ADGRB3: variants seen among roughly 807,000 people sequenced by gnomAD.
The protein encoded by ADGRB3 is brain-specific angiogenesis inhibitor 3.
A neutral mutation model predicts 193.4 loss-of-function variants in ADGRB3; 37 were observed. The ratio of observed to expected loss-of-function variants is 0.19; its 90% CI spans 0.15 to 0.25. The LOEUF (loss-of-function observed/expected upper bound fraction) is 0.25, where lower values mean the gene tolerates loss of function less well. ADGRB3 is among the 10% of genes least tolerant of loss of function. ADGRB3 has a pLI of 1.00. For missense variants in ADGRB3, 1,637 were observed against 1,852.9 expected, an observed-to-expected ratio of 0.88 and a Z score of 2.14; for synonymous variants, 690 against 644.2, an observed-to-expected ratio of 1.07 and a Z score of -1.08.
At chr6:69,302,413 GT>G (rs1767966172) in intron 20 of ADGRB3, among the ~76,000 whole-genome samples, 1 of 151,820 alleles carries the variant, frequency 6.6e-6, no homozygotes, top group African/African-American at 2.4e-5. Context: ...TTGGTGTTTT[GT>G]CCCCGAAGTC....
intron 20 of ADGRB3, among the ~76,000 whole-genome samples, chr6:69,275,799 ATACT>A (rs1338102094): frequency 2.0e-5 from 3 of 152,166 alleles, no homozygotes; most frequent in Non-Finnish European, 4.4e-5. Flanking sequence ...GTATGTGAAA[ATACT>A]TACTTATGAT....
chr6:68,692,790 T>G (rs904443746), intron 3 of ADGRB3, among the ~76,000 whole-genome samples: 4 of 151,290 alleles, frequency 2.6e-5, no homozygotes, highest in African/African-American at 9.7e-5. Flanking sequence ...TAATATCTTT[T>G]ATTTGGTTTT....
intron 3 of ADGRB3, among the ~76,000 whole-genome samples, chr6:68,654,442 T>C (rs1355547255): frequency 6.6e-6 from 1 of 151,996 alleles, no homozygotes; most frequent in Non-Finnish European, 1.5e-5. Context: ...ATAGTACACA[T>C]AGGCCATTGA....
chr6:68,763,253 G>A (rs1382358721), intron 3 of ADGRB3, among the ~76,000 whole-genome samples: 1 of 152,046 alleles, frequency 6.6e-6, no homozygotes, highest in Non-Finnish European at 1.5e-5. Context: ...ATAATGCCTA[G>A]CTAATTTTTA....
intron 3 of ADGRB3, among the ~76,000 whole-genome samples, chr6:68,641,143 T>C (rs966891254): frequency 6.6e-6 from 1 of 152,236 alleles, no homozygotes; most frequent in African/African-American, 2.4e-5. Flanking sequence ...GTTTTACTGT[T>C]GTTTTAATAC....
At chr6:69,311,321 GC>G (rs1768187100) in intron 20 of ADGRB3, among the ~76,000 whole-genome samples, 1 of 151,718 alleles carries the variant, frequency 6.6e-6, no homozygotes, top group African/African-American at 2.4e-5. Context: ...CAGAAAAACA[GC>G]AAAACCAGTA....
At chr6:68,934,072 T>G (rs962614199) in intron 4 of ADGRB3, among the ~76,000 whole-genome samples, 1 of 152,204 alleles carries the variant, frequency 6.6e-6, no homozygotes, top group Admixed American at 6.6e-5. Flanking sequence ...TCTTCATACT[T>G]TTATAAATAA....
intron 3 of ADGRB3, among the ~76,000 whole-genome samples, chr6:68,755,569 G>C (rs1252296032): frequency 6.6e-6 from 1 of 152,190 alleles, no homozygotes; most frequent in East Asian, 1.9e-4. Flanking sequence ...AAGGTCAGTT[G>C]AGAATAGTCA....
At chr6:68,947,060 T>C (rs539822597) in intron 6 of ADGRB3, among the ~76,000 whole-genome samples, 1 of 152,186 alleles carries the variant, frequency 6.6e-6, no homozygotes, top group South Asian at 2.1e-4. Flanking sequence ...TGTGAGTTGT[T>C]AGTTACTAAT....
intron 17 of ADGRB3, among the ~76,000 whole-genome samples, chr6:69,214,305 A>G (rs139137334): frequency 2.1e-4 from 32 of 152,232 alleles, no homozygotes; most frequent in African/African-American, 7.5e-4. Flanking sequence ...GTAATACATG[A>G]CTATATGAGG....
chr6:69,001,120 A>G (rs992218518), intron 11 of ADGRB3, among the ~76,000 whole-genome samples: 5 of 152,238 alleles, frequency 3.3e-5, no homozygotes, highest in African/African-American at 1.2e-4. Context: ...AATTTTCGAA[A>G]GAGGTCTGAA....
chr6:68,879,949 A>T (rs1765690402), intron 3 of ADGRB3, among the ~76,000 whole-genome samples: 1 of 152,238 alleles, frequency 6.6e-6, no homozygotes, highest in African/African-American at 2.4e-5. Context: ...CTAGCACTTT[A>T]ACCCAGACCA....
At chr6:69,163,318 A>G (rs990976670) in intron 17 of ADGRB3, among the ~76,000 whole-genome samples, 2 of 152,126 alleles carry the variant, frequency 1.3e-5, no homozygotes, top group Admixed American at 6.5e-5. Flanking sequence ...ATCCAAAAGT[A>G]TATAAAATAT....
chr6:68,956,541 G>A (rs1330228926), intron 7 of ADGRB3, 104 bp from the exon 8 acceptor site: 1 of 1,365,208 alleles, frequency 7.3e-7, no homozygotes, highest in Non-Finnish European at 1.0e-6. Flanking sequence ...ATTCACAGTA[G>A]TAGATTAACA....
intron 20 of ADGRB3, among the ~76,000 whole-genome samples, chr6:69,306,964 G>T (rs1768079174): frequency 6.6e-6 from 1 of 151,096 alleles, no homozygotes; most frequent in African/African-American, 2.4e-5. Flanking sequence ...CTAACACATT[G>T]CATTGCAATT....
chr6:69,288,535 C>T (rs1376512933), intron 20 of ADGRB3, among the ~76,000 whole-genome samples: 2 of 152,148 alleles, frequency 1.3e-5, no homozygotes, highest in African/African-American at 4.8e-5. Flanking sequence ...TTCTGTCCTT[C>T]AAGTTTATTG....
At chr6:68,953,239 A>G (rs1218036311) in intron 6 of ADGRB3, among the ~76,000 whole-genome samples, 1 of 152,098 alleles carries the variant, frequency 6.6e-6, no homozygotes, top group African/African-American at 2.4e-5. Context: ...ATCATACTCA[A>G]AATTTACCTT....
chr6:69,269,651 T>A (rs949013397), intron 20 of ADGRB3, among the ~76,000 whole-genome samples: 57 of 152,162 alleles, frequency 3.7e-4, no homozygotes, highest in African/African-American at 1.2e-3. Flanking sequence ...TCGTGACTGA[T>A]GTGCCCACAG....
At chr6:69,220,754 A>G (rs1442120241) in intron 17 of ADGRB3, among the ~76,000 whole-genome samples, 1 of 152,154 alleles carries the variant, frequency 6.6e-6, no homozygotes, top group Non-Finnish European at 1.5e-5. Flanking sequence ...TTCCCTTATT[A>G]ACATATTAAG....
Sources: gnomAD v4.1 joint callset for allele counts (sites outside exome capture counted in the v4.1 genomes callset) on GRCh38, gnomAD v4.1.1 for gene constraint, MANE v1.5 for transcripts, NCBI Gene and HGNC (gene_info 2026-07-23, HGNC 2026-07-21) for gene names.